The following ITGA9 variants were observed in gnomAD, a reference collection of about 807,000 sequenced individuals.
The protein encoded by ITGA9 is integrin alpha-9.
In ITGA9, 56 loss-of-function variants were observed where a neutral mutation model predicts 127.8. That is an observed-to-expected ratio of 0.44 (90% CI 0.35 to 0.55). The LOEUF (loss-of-function observed/expected upper bound fraction) is 0.55. ITGA9 is among the 20% of genes least tolerant of loss of function. The probability of loss-of-function intolerance (pLI) is 0.00; values close to 1 mark genes in which losing one functional copy is unlikely to be tolerated. For synonymous variants in ITGA9, 508 were observed against 514.5 expected (o/e 0.99, Z 0.17); for missense variants, 1,196 against 1,347.1 (o/e 0.89, Z 1.76).
At chr3:37,547,412 C>T (rs267537) in intron 15 of ITGA9, among the ~76,000 whole-genome samples, 71,836 of 152,002 alleles carry the variant, frequency 0.47, 17,506 homozygotes, top group East Asian at 0.73. Context: ...TGAGAGATCA[C>T]ACCCTGGGAT....
At chr3:37,569,475 G>A (rs1410692720) in intron 15 of ITGA9, among the ~76,000 whole-genome samples, 1 of 152,192 alleles carries the variant, frequency 6.6e-6, no homozygotes, top group African/African-American at 2.4e-5. Flanking sequence ...CTGTGGCATG[G>A]CCTTTATGTG....
rs1488043841 is a variant in ITGA9, at chr3:37,822,526, T to G, written c.*3537T>G. On this transcript the variant is annotated 3_prime_UTR_variant, in exon 28 of 28. Transcript: ENST00000264741. ...CAGCACTGAGGTTTCCTCAGGCAGTTCTTTAGGAAAACTGTCAGCATCATG... is the reference window on the plus strand; with the variant it reads ...CAGCACTGAGGTTTCCTCAGGCAGTGCTTTAGGAAAACTGTCAGCATCATG... The G allele has an allele frequency of 6.6e-6, 1 of 151,518 alleles. No individual in the cohort carries two copies. The highest frequency in any genetic ancestry group is 6.6e-5 in the Admixed American group (1 of 15,216). 9.4% of individuals were successfully genotyped at this position (151,518 alleles called of 1,614,324 possible).
intron 5 of ITGA9, among the ~76,000 whole-genome samples, chr3:37,499,020 C>T (rs986492012): frequency 1.3e-5 from 2 of 152,186 alleles, no homozygotes; most frequent in Non-Finnish European, 2.9e-5. Flanking sequence ...GCTATGTTGC[C>T]CCAAAATATT....
intron 25 of ITGA9, among the ~76,000 whole-genome samples, chr3:37,784,046 C>G (rs956209775): frequency 6.6e-6 from 1 of 152,206 alleles, no homozygotes; most frequent in Non-Finnish European, 1.5e-5. Flanking sequence ...GACAGGCAAG[C>G]TGGGTAGATG....
chr3:37,667,007 T>C (rs554944841), intron 17 of ITGA9, among the ~76,000 whole-genome samples: 28 of 152,130 alleles, frequency 1.8e-4, no homozygotes, highest in African/African-American at 6.5e-4. Flanking sequence ...TGTCTAGCTA[T>C]GGGAAAAGGC....
chr3:37,788,703 A>G (rs1292432346), intron 26 of ITGA9, among the ~76,000 whole-genome samples: 1 of 152,130 alleles, frequency 6.6e-6, no homozygotes, highest in Non-Finnish European at 1.5e-5. Context: ...GTCCCTTCCA[A>G]TGATCCTGTC....
intron 22 of ITGA9, 124 bp downstream of exon 22, chr3:37,744,158 G>C: frequency 2.7e-6 from 2 of 746,840 alleles, no homozygotes; most frequent in Non-Finnish European, 4.9e-6. Flanking sequence ...GGTGTGGTGT[G>C]TGTGTGAGAT....
At chr3:37,771,339 G>A (rs964013483) in intron 23 of ITGA9, among the ~76,000 whole-genome samples, 1 of 152,198 alleles carries the variant, frequency 6.6e-6, no homozygotes, top group Admixed American at 6.5e-5. Context: ...TGGATAGTCA[G>A]TAATTGTTTA....
At chr3:37,453,270 T>C (rs1017198758) in intron 1 of ITGA9, among the ~76,000 whole-genome samples, 1 of 152,178 alleles carries the variant, frequency 6.6e-6, no homozygotes, top group Admixed American at 6.5e-5. Context: ...TCTCATCTCA[T>C]ATGGGCCATT....
At chr3:37,676,440 A>G (rs959774107) in intron 17 of ITGA9, among the ~76,000 whole-genome samples, 1 of 152,206 alleles carries the variant, frequency 6.6e-6, no homozygotes, top group Admixed American at 6.5e-5. Context: ...TGGGGTAATT[A>G]TACAGCAGTT....
chr3:37,755,216 C>T (rs1696636170), intron 23 of ITGA9, among the ~76,000 whole-genome samples: 1 of 152,200 alleles, frequency 6.6e-6, no homozygotes, highest in African/African-American at 2.4e-5. Context: ...CAACCTGACA[C>T]AGCTGCTAAA....
chr3:37,635,928 A>C (rs1380760273), intron 16 of ITGA9, among the ~76,000 whole-genome samples: 1 of 151,744 alleles, frequency 6.6e-6, no homozygotes, highest in Non-Finnish European at 1.5e-5. Context: ...GATGGTTTCC[A>C]GTTTCATCCA....
chr3:37,815,202 T>A (rs1697416104), intron 27 of ITGA9, among the ~76,000 whole-genome samples: 1 of 152,222 alleles, frequency 6.6e-6, no homozygotes, highest in Admixed American at 6.5e-5. Flanking sequence ...TAAGAGTGAG[T>A]TCAGGTGCTC....
chr3:37,649,117 A>T (rs1373329629), intron 16 of ITGA9, among the ~76,000 whole-genome samples: 1 of 127,600 alleles, frequency 7.8e-6, no homozygotes, highest in Admixed American at 7.4e-5. Context: ...CTATCGATAC[A>T]AAAAAAAAAA....
intron 13 of ITGA9, among the ~76,000 whole-genome samples, chr3:37,527,930 T>G (rs1276886302): frequency 1.3e-5 from 2 of 152,078 alleles, no homozygotes; most frequent in Admixed American, 1.3e-4. Flanking sequence ...GGATCACAGG[T>G]GCACACCACC....
In ITGA9 at chr3:37,541,565, C is replaced by CT. The variant is rs1250319845; in HGVS notation, c.1529-852dup. ...TCTTTTTTTTCCTTCTTTCTTTCTT[C>CT]TTTTTTTTAAATTCAAGACTGTGTT... On this transcript the variant is annotated intron_variant, in intron 14 of 27. Transcript: ENST00000264741. Among the ~76,000 whole-genome samples, 5 of 151,806 alleles carry CT rather than the reference C, an allele frequency of 3.3e-5. No individual in the cohort carries two copies. The South Asian group carries it at 6.2e-4, about 19-fold the overall frequency.
intron 15 of ITGA9, among the ~76,000 whole-genome samples, chr3:37,600,528 G>A (rs1370917266): frequency 5.3e-5 from 8 of 152,134 alleles, no homozygotes; most frequent in South Asian, 4.1e-4. Context: ...TGCAGGGCCC[G>A]CGGTAGAGAA....
intron 18 of ITGA9, among the ~76,000 whole-genome samples, chr3:37,698,877 A>G (rs1700916149): frequency 6.6e-6 from 1 of 152,108 alleles, no homozygotes; most frequent in Non-Finnish European, 1.5e-5. Context: ...CTGGTGTGTA[A>G]TTGTGTTTCT....
intron 15 of ITGA9, among the ~76,000 whole-genome samples, chr3:37,599,114 T>C (rs747700858): frequency 1.3e-5 from 2 of 152,248 alleles, no homozygotes; most frequent in East Asian, 1.9e-4. Flanking sequence ...GTTCTTTCCC[T>C]GAGCAACAGA....
Sources: allele counts gnomAD v4.1 joint callset (sites outside exome capture counted in the v4.1 genomes callset), GRCh38; gene constraint gnomAD v4.1.1; transcripts MANE v1.5; gene names NCBI Gene and HGNC (gene_info 2026-07-23, HGNC 2026-07-21).